SS18L1: variants seen among roughly 807,000 people sequenced by gnomAD.
SS18L1 encodes the protein SS18L1 subunit of BAF chromatin remodeling complex, also known as calcium-responsive transactivator.
Under a neutral mutation model 70.3 loss-of-function variants are expected in SS18L1, and 32 were observed. The observed-to-expected ratio is 0.46, with a 90% CI of 0.34 to 0.61. SS18L1 has a LOEUF of 0.61. Among genes scored for constraint, SS18L1 ranks in the 20% least tolerant of loss-of-function variants. SS18L1 has a pLI of 0.01. For missense variants in SS18L1, 430 were observed against 542.1 expected (o/e 0.79, Z 2.05); for synonymous variants, 237 against 229.7 (o/e 1.03, Z -0.29).
At chr20:62,176,763 C>T (rs2057626603) in intron 10 of SS18L1, among the ~76,000 whole-genome samples, 1 of 151,888 alleles carries the variant, frequency 6.6e-6, no homozygotes, top group African/African-American at 2.4e-5. Context: ...CGCCACTGCA[C>T]CCCAGCCTGG....
chr20:62,160,218 C>G (rs909268847), intron 3 of SS18L1, among the ~76,000 whole-genome samples: 6 of 131,626 alleles, frequency 4.6e-5, no homozygotes, highest in Non-Finnish European at 7.7e-5. Context: ...AGGGAAGCCC[C>G]GGAGAAGCCA....
At position 62,143,774 on chromosome 20, in the gene SS18L1, C is replaced by T. The variant is rs761084508; in HGVS notation, c.-47C>T. The T allele has an allele frequency of 5.3e-6, 7 of 1,326,092 alleles. No individual in the cohort carries two copies. The African/African-American group carries it at 7.8e-5, about 15-fold the overall frequency. The allele number at this position is 1,326,092 out of a possible 1,614,324, so 82.1% of individuals were successfully genotyped here. On this transcript the variant is annotated 5_prime_UTR_variant, in exon 1 of 11. Transcript: ENST00000331758. ...AGCGCCTCGGGCCGCCCAGCGCAGC[C>T]GGAGTATCCACCTCGATGACCACGG... is the stretch of plus-strand genomic sequence containing the variant.
At chr20:62,160,773 A>G (rs2057315090) in intron 3 of SS18L1, among the ~76,000 whole-genome samples, 1 of 152,042 alleles carries the variant, frequency 6.6e-6, no homozygotes, top group Non-Finnish European at 1.5e-5. Flanking sequence ...ACCCACCTCC[A>G]TTGACCTGTC....
Position 62,179,344 on chromosome 20 carries a change from C to T in SS18L1, c.*136C>T. 1 of 950,556 alleles carries T rather than the reference C, an allele frequency of 1.1e-6. No homozygotes were observed. The highest frequency in any genetic ancestry group is 1.4e-5 in the South Asian group (1 of 69,470). The allele number at this position is 950,556 out of a possible 1,614,324, so 58.9% of individuals were successfully genotyped here. On this transcript the variant is annotated 3_prime_UTR_variant, in exon 11 of 11. Transcript: ENST00000331758. ...GCCACGTCTGCATGTGAAGCGTGCTCATTTCATGCTGGGTATGACGCCGAG... is the reference window on the plus strand; with the variant it reads ...GCCACGTCTGCATGTGAAGCGTGCTTATTTCATGCTGGGTATGACGCCGAG...
chr20:62,174,772 G>A lies in SS18L1; in HGVS notation c.1164+128G>A, dbSNP rs896312700. On this transcript the variant is annotated intron_variant, in intron 10 of 10. Coordinates refer to ENST00000331758, the MANE Select transcript of SS18L1 (RefSeq NM_198935.3). The surrounding 1 kb of genome is among the most constrained non-coding windows in gnomAD (Gnocchi z 4.1). ...TGGCTTCCAGGGTTCCTTCCAGAAC[G>A]TTAAGTCTCTGAGCCTGTAAGGTTT... is the stretch of plus-strand genomic sequence containing the variant. 1.5e-5 allele frequency: 23 copies of A among 1,582,642 alleles called. No individual in the cohort carries two copies. Among genetic ancestry groups the A allele is most frequent in the East Asian group, 2.3e-5 (1 of 43,154 alleles).
At chr20:62,157,122 G>A (rs1000832870) in intron 1 of SS18L1, among the ~76,000 whole-genome samples, 5 of 152,088 alleles carry the variant, frequency 3.3e-5, no homozygotes, top group African/African-American at 9.7e-5. Flanking sequence ...TGAAAGAGCC[G>A]GCTCTCCTGT....
chr20:62,162,453 C>T (rs2057347029), intron 4 of SS18L1: 3 of 298,234 alleles, frequency 1.0e-5, no homozygotes, highest in South Asian at 4.8e-5. Flanking sequence ...AGGCACGTGC[C>T]ACCACACCTG....
rs987470782 is a variant in SS18L1, at chr20:62,180,016, A to G, written c.*808A>G. 1.9e-4 allele frequency: 41 copies of G among 220,846 alleles called. No individual in the cohort carries two copies. In the East Asian group the frequency reaches 2.1e-3, roughly 11 times the overall value. The allele number at this position is 220,846 out of a possible 1,614,324, so 13.7% of individuals were successfully genotyped here. A position where few individuals can be genotyped will look rare whatever the true frequency, so the allele number is the denominator to read the frequency against. On this transcript the variant is annotated 3_prime_UTR_variant, in exon 11 of 11. Coordinates refer to ENST00000331758, the MANE Select transcript of SS18L1 (RefSeq NM_198935.3). ...CTCTCTGGGAAGTGGGCCCTCAGAG[A>G]TTACTCTGGCTTTGACCCTTGTTTA...
chr20:62,169,525 T>G (rs142385551), intron 8 of SS18L1, among the ~76,000 whole-genome samples: 1 of 152,288 alleles, frequency 6.6e-6, no homozygotes, highest in East Asian at 1.9e-4. Flanking sequence ...ACGCCTGTAA[T>G]CTCAGCACTC....
chr20:62,167,979 CTTTTTTT>C (rs575045754), intron 8 of SS18L1, among the ~76,000 whole-genome samples: 9 of 105,016 alleles, frequency 8.6e-5, no homozygotes, highest in African/African-American at 2.6e-4. Context: ...CCAGGCCTGG[CTTTTTTT>C]TTTTTTTTTT....
chr20:62,176,922 G>A (rs960291463), intron 10 of SS18L1, among the ~76,000 whole-genome samples: 2 of 152,246 alleles, frequency 1.3e-5, no homozygotes, highest in African/African-American at 2.4e-5. Context: ...GTAGCTGGCC[G>A]TGGCGCTTTG....
At chr20:62,147,076 G>A (rs539927953) in intron 1 of SS18L1, among the ~76,000 whole-genome samples, 5 of 152,322 alleles carry the variant, frequency 3.3e-5, no homozygotes, top group Admixed American at 3.3e-4. Context: ...TTTAGCCCAC[G>A]AGAGTGCGTT....
intron 1 of SS18L1, among the ~76,000 whole-genome samples, chr20:62,154,978 C>T (rs546877675): frequency 5.3e-5 from 8 of 152,326 alleles, no homozygotes; most frequent in African/African-American, 1.7e-4. Flanking sequence ...CAGGTTTTCA[C>T]CTCCAGAGCT....
chr20:62,164,300 G>C, intron 7 of SS18L1, 54 bp downstream of exon 7: 1 of 904,214 alleles, frequency 1.1e-6, no homozygotes, highest in African/African-American at 1.8e-5. Flanking sequence ...AGCTGCAGGG[G>C]CAAGGAGGGC....
intron 1 of SS18L1, among the ~76,000 whole-genome samples, chr20:62,149,822 C>T (rs535374405): frequency 6.6e-5 from 10 of 152,280 alleles, no homozygotes; most frequent in African/African-American, 1.9e-4. Flanking sequence ...AGGAAACCAT[C>T]GCAAGTCCAG....
At chr20:62,178,991 G>T (rs2057667896) in intron 10 of SS18L1, among the ~76,000 whole-genome samples, 191 bp from the exon 11 acceptor site, 1 of 152,202 alleles carries the variant, frequency 6.6e-6, no homozygotes, top group African/African-American at 2.4e-5. Flanking sequence ...TGAACCTTTG[G>T]CCCTGTCTAC....
In SS18L1 at chr20:62,172,693, T is replaced by G; in HGVS notation, c.928T>G (p.Tyr310Asp). 1 of 1,614,126 alleles carries G rather than the reference T, an allele frequency of 6.2e-7. No individual in the cohort carries two copies. Among genetic ancestry groups the G allele is most frequent in the Non-Finnish European group, 8.5e-7 (1 of 1,180,036 alleles). Residue 310 changes from tyrosine to aspartate, a missense_variant, in exon 9 of 11, where the codon TAC becomes GAC. Tyr to Asp is a radical substitution (Grantham distance 160, BLOSUM62 -3). Transcript: ENST00000331758. ...QHYYEGGNSQ[Y>D]SQQQAGYQQG... ...CCTCCTCCCTCCAGGAAACTCCCAG[T>G]ACAGCCAGCAGCAGGCCGGGTACCA...
At chr20:62,167,042 G>GTTTTTTTTTTTT (rs1216570693) in intron 8 of SS18L1, among the ~76,000 whole-genome samples, 45 of 88,168 alleles carry the variant, frequency 5.1e-4, no homozygotes, top group African/African-American at 1.4e-3. Context: ...GAGTTTGTTT[G>GTTTTTTTTTTTT]TTTTTTTTTT....
intron 8 of SS18L1, among the ~76,000 whole-genome samples, chr20:62,167,383 AC>A (rs1373653679): frequency 7.1e-6 from 1 of 141,442 alleles, no homozygotes; most frequent in African/African-American, 2.6e-5. Flanking sequence ...ACATGGCAAA[AC>A]CCTTTCTCTC....
Sources: gnomAD v4.1 joint callset for allele counts (sites outside exome capture counted in the v4.1 genomes callset) on GRCh38, gnomAD v4.1.1 for gene constraint, Gnocchi (gnomAD v3.1) non-coding constraint, MANE v1.5 for transcripts, NCBI Gene and HGNC (gene_info 2026-07-23, HGNC 2026-07-21) for gene names.